The following ATXN7L1 variants were observed in gnomAD, a reference collection of about 807,000 sequenced individuals.
ATXN7L1 encodes the protein ataxin 7 like 1, also known as ataxin-7-like protein 1.
ATXN7L1 carries 15 observed loss-of-function variants against 70.8 expected under a neutral mutation model. The observed-to-expected ratio is 0.21, with a 90% CI of 0.14 to 0.33. ATXN7L1 has a LOEUF of 0.33. Among genes scored for constraint, ATXN7L1 ranks in the 10% least tolerant of loss-of-function variants. ATXN7L1 has a pLI of 1.00. For missense variants in ATXN7L1, 975 were observed against 1,097.1 expected (o/e 0.89, Z 1.57); for synonymous variants, 440 against 445.1 (o/e 0.99, Z 0.14).
At chr7:105,835,899 C>T (rs1443807277) in intron 2 of ATXN7L1, among the ~76,000 whole-genome samples, 1 of 151,778 alleles carries the variant, frequency 6.6e-6, no homozygotes, top group Non-Finnish European at 1.5e-5. Flanking sequence ...CTCTCTCTCT[C>T]TTTTTTTCAA....
chr7:105,641,214 CTTTTTTTTTTT>C (rs561100060), intron 5 of ATXN7L1, among the ~76,000 whole-genome samples: 3 of 21,786 alleles, frequency 1.4e-4, no homozygotes, highest in Admixed American at 7.4e-4. Context: ...CTCTCTCTCT[CTTTTTTTTTTT>C]TTTTTTTTTT....
chr7:105,744,312 C>T (rs1265586760), intron 3 of ATXN7L1, among the ~76,000 whole-genome samples: 1 of 152,174 alleles, frequency 6.6e-6, no homozygotes, highest in African/African-American at 2.4e-5. Flanking sequence ...ACATGCACAA[C>T]CATTTATCTA....
intron 3 of ATXN7L1, among the ~76,000 whole-genome samples, chr7:105,670,292 TGTCTTTCTATGTTTTG>T (rs1803345283): frequency 2.6e-5 from 4 of 152,336 alleles, no homozygotes; most frequent in Admixed American, 2.6e-4. Context: ...GGCTCAATCA[TGTCTTTCTATGTTTTG>T]ATTAAGGGAC....
chr7:105,826,470 G>A (rs1810886774), intron 2 of ATXN7L1, among the ~76,000 whole-genome samples: 2 of 152,098 alleles, frequency 1.3e-5, no homozygotes, highest in Admixed American at 1.3e-4. Context: ...TGAATTACTG[G>A]ACTGTAATAT....
chr7:105,821,115 A>G (rs946701068), intron 2 of ATXN7L1, among the ~76,000 whole-genome samples: 3 of 152,044 alleles, frequency 2.0e-5, no homozygotes, highest in African/African-American at 4.8e-5. Context: ...TCTCTGTTCA[A>G]TGCAACCTCT....
intron 3 of ATXN7L1, among the ~76,000 whole-genome samples, chr7:105,697,530 C>T (rs1791898975): frequency 6.6e-6 from 1 of 152,094 alleles, no homozygotes; most frequent in Non-Finnish European, 1.5e-5. Flanking sequence ...TTCAAGGTGC[C>T]CACATTTCAT....
chr7:105,647,128 T>C (rs760756356), intron 4 of ATXN7L1, among the ~76,000 whole-genome samples: 1 of 152,228 alleles, frequency 6.6e-6, no homozygotes, highest in Non-Finnish European at 1.5e-5. Context: ...CAGCCTTCTC[T>C]GATGTATTAA....
chr7:105,614,108 G>C lies in ATXN7L1; in HGVS notation c.2226C>G (p.Ser742=), dbSNP rs1445268182. ...QVGAVGGSSD[S]CPLSVPSLAL... is the part of the protein sequence containing the mutation. ...CAAGGGAGGGCACAGAGAGGGGACA[G>C]GAGTCACTGCTGCCTCCCACCGCGC... is the stretch of plus-strand genomic sequence containing the variant. The change falls in exon 10 of 12, where the codon TCC becomes TCG. Residue 742 remains serine (S), a synonymous_variant. Coordinates refer to ENST00000419735, the MANE Select transcript of ATXN7L1 (RefSeq NM_020725.2). This position sits in a 1 kb window ranked among gnomAD's most constrained non-coding sequence, Gnocchi z 4.3. 1 of 1,551,534 alleles carries C rather than the reference G, an allele frequency of 6.4e-7. No individual in the cohort carries two copies. Among genetic ancestry groups the C allele is most frequent in the Non-Finnish European group, 8.7e-7 (1 of 1,146,994 alleles).
intron 3 of ATXN7L1, among the ~76,000 whole-genome samples, chr7:105,719,272 C>T (rs657695): frequency 0.29 from 44,378 of 152,052 alleles, 8,696 homozygotes; most frequent in African/African-American, 0.56. Flanking sequence ...CCTGGGAGCA[C>T]CCTCCTCCAC....
At chr7:105,764,944 T>C (rs1353046270) in intron 3 of ATXN7L1, among the ~76,000 whole-genome samples, 1 of 152,098 alleles carries the variant, frequency 6.6e-6, no homozygotes, top group Non-Finnish European at 1.5e-5. Context: ...AAATGCAGGA[T>C]TATTTCAAAG....
intron 3 of ATXN7L1, among the ~76,000 whole-genome samples, chr7:105,751,693 T>A (rs545048488): frequency 3.3e-5 from 5 of 152,286 alleles, no homozygotes; most frequent in African/African-American, 1.2e-4. Flanking sequence ...GATTTCTGGA[T>A]CTGAGGTAAA....
chr7:105,792,748 G>A (rs1267981630), intron 2 of ATXN7L1, among the ~76,000 whole-genome samples: 1 of 152,188 alleles, frequency 6.6e-6, no homozygotes, highest in Non-Finnish European at 1.5e-5. Context: ...TTTACACCAA[G>A]GAAATGGGCA....
chr7:105,614,011 A>C lies in ATXN7L1; in HGVS notation c.2323T>G (p.Ser775Ala), dbSNP rs1297766465. ...GAGTTCTTACGCTTTTTTCCTTCTG[A>C]TTTGTCAAAAGAGAGGGGCAGAGAA... ...VSSLPLSFDK[S>A]EGKKRKNSSS... The change falls in exon 10 of 12, where the codon TCA becomes GCA. Residue 775 changes from serine to alanine, a missense_variant. Ser to Ala is a moderately conservative substitution (Grantham distance 99, BLOSUM62 1). Around this residue, in one of 5 missense-constraint regions of ATXN7L1, gnomAD observed 635 missense variants for 699.4 expected, o/e 0.91. Transcript: ENST00000419735. The surrounding 1 kb of genome is among the most constrained non-coding windows in gnomAD (Gnocchi z 4.3). The C allele has an allele frequency of 1.9e-6, 3 of 1,551,948 alleles. No individual in the cohort carries two copies. The South Asian group carries it at 3.6e-5, about 18-fold the overall frequency.
intron 11 of ATXN7L1, among the ~76,000 whole-genome samples, chr7:105,608,092 A>T (rs1792841897): frequency 6.6e-6 from 1 of 152,238 alleles, no homozygotes; most frequent in South Asian, 2.1e-4. Flanking sequence ...GGATCCATGC[A>T]TGTAAGGCAG....
At chr7:105,700,837 G>A (rs559465031) in intron 3 of ATXN7L1, among the ~76,000 whole-genome samples, 6 of 152,096 alleles carry the variant, frequency 3.9e-5, no homozygotes, top group South Asian at 4.1e-4. Flanking sequence ...GCACACTACC[G>A]CGCCTGCCTA....
chr7:105,709,548 C>T (rs1793623703), intron 3 of ATXN7L1, among the ~76,000 whole-genome samples: 1 of 152,052 alleles, frequency 6.6e-6, no homozygotes, highest in South Asian at 2.1e-4. Context: ...CCACTAGACC[C>T]CTTCCCTAAT....
intron 3 of ATXN7L1, among the ~76,000 whole-genome samples, chr7:105,729,434 T>C (rs1174918414): frequency 6.7e-6 from 1 of 149,238 alleles, no homozygotes; most frequent in Non-Finnish European, 1.5e-5. Flanking sequence ...CTACTTCTTT[T>C]TTTTTTTTTT....
In ATXN7L1 at chr7:105,805,399, C is replaced by T. The variant is rs117771002; in HGVS notation, c.251-16691G>A. ...GGGCTGGCAGCTAGTGGCACTTGTG[C>T]CAGTGGGGAACCTGGGGTGACTCAG... On this transcript the variant is annotated intron_variant, in intron 2 of 11. Transcript: ENST00000419735. 3.6e-3 allele frequency among the ~76,000 whole-genome samples: 546 copies of T among 152,270 alleles called. 9 individuals are homozygous for T. The East Asian group carries it at 0.051, about 14-fold the overall frequency.
At chr7:105,848,526 T>C (rs1310990066) in intron 2 of ATXN7L1, among the ~76,000 whole-genome samples, 1 of 151,884 alleles carries the variant, frequency 6.6e-6, no homozygotes, top group South Asian at 2.1e-4. Context: ...AAATAAATTA[T>C]GAAATACATT....
Sources: gnomAD v4.1 joint callset for allele counts (sites outside exome capture counted in the v4.1 genomes callset) on GRCh38, gnomAD v4.1.1 for gene constraint, gnomAD v4.1.1 regional missense constraint, Gnocchi (gnomAD v3.1) non-coding constraint, MANE v1.5 for transcripts, NCBI Gene and HGNC (gene_info 2026-07-23, HGNC 2026-07-21) for gene names.